Variants in TP53I13 observed in about 807,000 individuals in gnomAD.
The protein encoded by TP53I13 is tumor protein p53-inducible protein 13.
In TP53I13, 27 loss-of-function variants were observed where a neutral mutation model predicts 39.1. The ratio of observed to expected loss-of-function variants is 0.69; its 90% CI spans 0.51 to 0.95. The LOEUF (loss-of-function observed/expected upper bound fraction) is 0.95. Among genes scored for constraint, TP53I13 ranks in the 40% least tolerant of loss-of-function variants. The pLI is 0.00. For synonymous variants in TP53I13, 230 were observed against 224.6 expected, an observed-to-expected ratio of 1.02 and a Z score of -0.22; for missense variants, 544 against 520.4, an observed-to-expected ratio of 1.05 and a Z score of -0.44.
At chr17:29,581,725 C>T in the TP53I13 span, 1 of 1,600,720 alleles carries the variant, frequency 6.2e-7, no homozygotes, top group Non-Finnish European at 8.5e-7. This position sits in a 1 kb window ranked among gnomAD's most constrained non-coding sequence, Gnocchi z 4.8. Flanking sequence ...GCCAGGCGCC[C>T]CCCAAGCTCT....
At chr17:29,581,974 G>A in the TP53I13 span, 19 of 1,612,776 alleles carry the variant, frequency 1.2e-5, no homozygotes, top group South Asian at 1.8e-4. This position sits in a 1 kb window ranked among gnomAD's most constrained non-coding sequence, Gnocchi z 4.8. Context: ...GGGAGCCAGG[G>A]TCAGCCCCAT....
At chr17:29,580,583 A>G in the TP53I13 span, among the ~76,000 whole-genome samples, 2 of 152,280 alleles carry the variant, frequency 1.3e-5, no homozygotes, top group South Asian at 2.1e-4. Flanking sequence ...TCATTCAACC[A>G]GCCTCAGCGC....
At chr17:29,580,613 C>T in the TP53I13 span, among the ~76,000 whole-genome samples, 3 of 152,182 alleles carry the variant, frequency 2.0e-5, no homozygotes, top group South Asian at 2.1e-4. Flanking sequence ...ATTCTGAGCA[C>T]GCTAGAGGCC....
chr17:29,572,757 C>T (rs1025285673), intron 6 of TP53I13, 55 bp from the exon 7 acceptor site: 41 of 1,503,494 alleles, frequency 2.7e-5, no homozygotes, highest in Non-Finnish European at 3.0e-5. Flanking sequence ...TCGCCCGCCG[C>T]CCCCCGTAGC....
downstream of TP53I13, chr17:29,576,108 A>G (rs1464778650): frequency 3.7e-6 from 6 of 1,613,776 alleles, no homozygotes; most frequent in African/African-American, 1.3e-5. Context: ...CGTGCACTGA[A>G]TAGATGGCGT....
downstream of TP53I13, chr17:29,576,647 C>G (rs569157701): frequency 1.2e-6 from 2 of 1,613,986 alleles, no homozygotes; most frequent in Non-Finnish European, 8.5e-7. Flanking sequence ...GTCACAGCCC[C>G]GTCAGACAAG....
downstream of TP53I13, chr17:29,574,647 C>CAG (rs1268086608): frequency 2.2e-6 from 3 of 1,379,738 alleles, no homozygotes. Context: ...TGGAGTGGCC[C>CAG]AGCTCCTATG....
At position 29,572,044 on chromosome 17, in the gene TP53I13, G is replaced by A; in HGVS notation, c.500G>A (p.Arg167Lys). 6.2e-7 allele frequency: 1 copy of A among 1,613,152 alleles called. No individual in the cohort carries two copies. The change falls in exon 5 of 7, where the codon AGA becomes AAA. Residue 167 changes from arginine to lysine, a missense_variant. Arg to Lys is a conservative substitution (Grantham distance 26, BLOSUM62 2). Transcript: ENST00000301057. The stretch of plus-strand genomic sequence containing the variant: ...CCCGGTAGAGGGAGGCTGTGCCGAA[G>A]AGGGTGTGTGCAGGTGAGAGACGCT... ...PTPGRGRLCRRGCVQALALAF... is the reference protein window; with the variant it reads ...PTPGRGRLCRKGCVQALALAF...
At chr17:29,577,873 T>A, downstream of TP53I13, 1 of 656,286 alleles carries the variant, frequency 1.5e-6, no homozygotes, top group Non-Finnish European at 2.8e-6. Flanking sequence ...ACAGGGGTGG[T>A]CTTTGGGCAC....
At chr17:29,579,074 C>A in the TP53I13 span, 1 of 1,205,898 alleles carries the variant, frequency 8.3e-7, no homozygotes. Context: ...CTTTTCACAT[C>A]AGGCCCAGAC....
At chr17:29,574,789 C>T (rs2033125240), downstream of TP53I13, 1 of 1,613,020 alleles carries the variant, frequency 6.2e-7, no homozygotes, top group Non-Finnish European at 8.5e-7. Context: ...CCTGCTGAGT[C>T]AGCAGCTGGA....
Position 29,572,456 on chromosome 17 carries a change from C to A in TP53I13, c.828C>A (p.Gly276=), listed in dbSNP as rs1185124884. 9 of 1,578,888 alleles carry A rather than the reference C, an allele frequency of 5.7e-6. No homozygotes were observed. Among genetic ancestry groups the A allele is most frequent in the Non-Finnish European group, 7.8e-6 (9 of 1,159,954 alleles). Residue 276 remains glycine, a synonymous_variant, in exon 6 of 7, where the codon GGC becomes GGA. Transcript: ENST00000301057. ...AGGCTCAGGTGCCCAACGGGCAAGG[C>A]AGCCCAGGGGGCTGTGTCTGTTCAA... ...RTEAQVPNGQ[G]SPGGCVCSSQ...
At chr17:29,582,099 G>T in the TP53I13 span, 1 of 1,601,474 alleles carries the variant, frequency 6.2e-7, no homozygotes. Flanking sequence ...GAGAGCAGGC[G>T]CAGACATGTC....
At chr17:29,576,119 C>T (rs374985717), downstream of TP53I13, 5 of 1,613,654 alleles carry the variant, frequency 3.1e-6, no homozygotes, top group African/African-American at 2.7e-5. Flanking sequence ...TAGATGGCGT[C>T]GTCCTCTAGC....
In TP53I13 at chr17:29,572,075, C is replaced by CA. The variant is rs1311912599; in HGVS notation, c.513+19dup. The CA allele has an allele frequency of 3.1e-6, 5 of 1,612,472 alleles. No individual in the cohort carries two copies. Among genetic ancestry groups the CA allele is most frequent in the Non-Finnish European group, 4.2e-6 (5 of 1,179,724 alleles). ...GTGTGCAGGTGAGAGACGCTGGGCC[C>CA]AGGCTTGTTGGCCCTCGGGTTCTCT... On this transcript the variant is annotated intron_variant, in intron 5 of 6. Coordinates refer to ENST00000301057, the MANE Select transcript of TP53I13 (RefSeq NM_138349.4).
rs1458589080 is a variant in TP53I13 at position 29,568,748 on chromosome 17, G to A, written c.-11G>A. ...CGGCTGGGCGGCGGGCCGGGCCCGG[G>A]GCCGCTTGGAATGGCGCCTCCTCCG... On this transcript the variant is annotated 5_prime_UTR_variant, in exon 1 of 7. Transcript: ENST00000301057. The surrounding 1 kb of genome is among the most constrained non-coding windows in gnomAD (Gnocchi z 4.5). The A allele has an allele frequency of 6.4e-7, 1 of 1,566,230 alleles. No individual in the cohort carries two copies.
the TP53I13 span, among the ~76,000 whole-genome samples, chr17:29,580,798 A>C: frequency 7.4e-6 from 1 of 136,028 alleles, no homozygotes; most frequent in Admixed American, 7.4e-5. Context: ...TTTGAGACGG[A>C]GTTTGGAGTT....
Position 29,572,487 on chromosome 17 carries a change from GCTTCCC to G in TP53I13, c.861_866del (p.Ser288_Pro289del). 1 of 1,599,752 alleles carries G rather than the reference GCTTCCC, an allele frequency of 6.3e-7. No individual in the cohort carries two copies. Among genetic ancestry groups the G allele is most frequent in the East Asian group, 2.2e-5 (1 of 44,692 alleles). On this transcript the variant is annotated inframe_deletion, in exon 6 of 7. Coordinates refer to ENST00000301057, the MANE Select transcript of TP53I13 (RefSeq NM_138349.4). Reference sequence around the variant, plus strand: ...AGGGGGCTGTGTCTGTTCAAGTCAGGCTTCCCCGGCCCCTCGCGCAGCAGCGCCTCC... The same window carrying G: ...AGGGGGCTGTGTCTGTTCAAGTCAGGCGGCCCCTCGCGCAGCAGCGCCTCC...
chr17:29,576,734 G>A (rs1185614021), downstream of TP53I13: 3 of 1,602,788 alleles, frequency 1.9e-6, no homozygotes, highest in African/African-American at 4.0e-5. Context: ...CACCCGCAGG[G>A]GGCAGTTATT....
Sources: gnomAD v4.1 joint callset for allele counts (sites outside exome capture counted in the v4.1 genomes callset) on GRCh38, gnomAD v4.1.1 for gene constraint, Gnocchi (gnomAD v3.1) non-coding constraint, MANE v1.5 for transcripts, NCBI Gene and HGNC (gene_info 2026-07-23, HGNC 2026-07-21) for gene names.